Variants in DLG1 observed in about 807,000 individuals in gnomAD.
DLG1 encodes discs large MAGUK scaffold protein 1.
Under a neutral mutation model 123.4 loss-of-function variants are expected in DLG1, and 42 were observed. That is an observed-to-expected ratio of 0.34 (90% CI 0.27 to 0.44). The LOEUF is 0.44. Among genes scored for constraint, DLG1 ranks in the 20% least tolerant of loss-of-function variants. The pLI is 1.00. For synonymous variants in DLG1, 317 were observed against 356.2 expected, an observed-to-expected ratio of 0.89 and a Z score of 1.24; for missense variants, 942 against 1,082.6, an observed-to-expected ratio of 0.87 and a Z score of 1.82.
At position 197,140,620 on chromosome 3, in the gene DLG1, C is replaced by A. The variant is rs543696328; in HGVS notation, c.589-356G>T. Reference sequence around the variant, plus strand: ...TGCACCTCAGCCATGTTTGGTAGGGCACATCTCTCCTAAGAGACAAATGCT... The same window carrying A: ...TGCACCTCAGCCATGTTTGGTAGGGAACATCTCTCCTAAGAGACAAATGCT... On this transcript the variant is annotated intron_variant, in intron 7 of 24. Coordinates refer to ENST00000667157, the MANE Select transcript of DLG1 (RefSeq NM_001366207.1). Among the ~76,000 whole-genome samples the A allele has an allele frequency of 2.0e-5, 3 of 152,306 alleles. No homozygotes were observed. In the South Asian group the frequency reaches 6.2e-4, roughly 32 times the overall value.
At chr3:197,138,179 A>T in intron 9 of DLG1, 43 bp downstream of exon 9, 1 of 1,269,994 alleles carries the variant, frequency 7.9e-7, no homozygotes, top group Non-Finnish European at 1.1e-6. Flanking sequence ...TATTTAACTC[A>T]GAGATTTCTT....
intron 11 of DLG1, among the ~76,000 whole-genome samples, chr3:197,130,122 C>A (rs1314681570): frequency 1.3e-5 from 2 of 151,956 alleles, no homozygotes; most frequent in African/African-American, 4.8e-5. Flanking sequence ...CTGTGAAGTG[C>A]AATAAAGCAA....
At chr3:197,244,473 T>C (rs911060223) in intron 4 of DLG1, among the ~76,000 whole-genome samples, 6 of 152,140 alleles carry the variant, frequency 3.9e-5, no homozygotes, top group Admixed American at 3.3e-4. Flanking sequence ...TTTCAATGAT[T>C]AGGTTTGTTT....
chr3:197,297,719 C>G lies in DLG1; in HGVS notation c.-31-484G>C, dbSNP rs1375564946. 4.1e-6 allele frequency: 4 copies of G among 987,360 alleles called. No individual in the cohort carries two copies. In the East Asian group the frequency reaches 4.5e-4, roughly 112 times the overall value. The allele number at this position is 987,360 out of a possible 1,614,324, so 61.2% of individuals were successfully genotyped here. On this transcript the variant is annotated intron_variant, in intron 1 of 24. Coordinates refer to ENST00000667157, the MANE Select transcript of DLG1 (RefSeq NM_001366207.1). ...CCGGGCTGCTCCAGCGGGGGCCGGA[C>G]AGGGCAGCGGCCGCTCTCCGCGACG...
At chr3:197,044,755 A>G in intron 24 of DLG1, 26 bp from the exon 25 acceptor site, 2 of 1,367,198 alleles carry the variant, frequency 1.5e-6, no homozygotes, top group East Asian at 2.5e-5. Flanking sequence ...CAAAATCAGA[A>G]ATCTCCATTA....
chr3:197,073,778 T>C (rs572807220), intron 18 of DLG1, among the ~76,000 whole-genome samples: 23 of 152,140 alleles, frequency 1.5e-4, no homozygotes, highest in Middle Eastern at 3.2e-3. Context: ...TTTTCATAGG[T>C]TGTGTGAATT....
chr3:197,144,437 C>G (rs1482045858), intron 6 of DLG1, among the ~76,000 whole-genome samples: 1 of 152,138 alleles, frequency 6.6e-6, no homozygotes, highest in East Asian at 1.9e-4. Flanking sequence ...GCTATTTGGA[C>G]CTCCCAACCT....
At chr3:197,114,655 T>C (rs1772040299) in intron 13 of DLG1, among the ~76,000 whole-genome samples, 4 of 152,214 alleles carry the variant, frequency 2.6e-5, no homozygotes, top group African/African-American at 7.2e-5. Context: ...GGAGTTTTAC[T>C]AGCATGTAGC....
At chr3:197,278,282 CAAAAAAAAAAAAAA>C (rs71164203) in intron 4 of DLG1, among the ~76,000 whole-genome samples, 18 of 37,524 alleles carry the variant, frequency 4.8e-4, no homozygotes, top group African/African-American at 1.2e-3. Context: ...GACTCTGTCC[CAAAAAAAAAAAAAA>C]AAAAAAAAAA....
intron 14 of DLG1, among the ~76,000 whole-genome samples, chr3:197,104,656 TG>T (rs1429057899): frequency 2.0e-5 from 3 of 151,944 alleles, no homozygotes; most frequent in Non-Finnish European, 4.4e-5. Flanking sequence ...CACTCCAGCC[TG>T]GGCAGTAAGA....
intron 3 of DLG1, among the ~76,000 whole-genome samples, chr3:197,294,390 T>TA (rs560951930): frequency 1.7e-3 from 184 of 105,938 alleles, no homozygotes; most frequent in African/African-American, 5.2e-3. Flanking sequence ...CTCACGCCTG[T>TA]AATCCCAACA....
At chr3:197,048,594 G>A (rs1725034091) in intron 24 of DLG1, among the ~76,000 whole-genome samples, 1 of 152,156 alleles carries the variant, frequency 6.6e-6, no homozygotes, top group Non-Finnish European at 1.5e-5. Flanking sequence ...CACTGTTGGT[G>A]GGAATGTAAA....
chr3:197,201,565 C>A (rs752700649), intron 4 of DLG1, among the ~76,000 whole-genome samples: 4 of 152,078 alleles, frequency 2.6e-5, no homozygotes, highest in Non-Finnish European at 4.4e-5. Flanking sequence ...TTTACAATAA[C>A]TACAAAATAA....
intron 12 of DLG1, among the ~76,000 whole-genome samples, chr3:197,116,702 A>C (rs1003964326): frequency 6.6e-6 from 1 of 151,766 alleles, no homozygotes; most frequent in Non-Finnish European, 1.5e-5. Flanking sequence ...AATAAACAAA[A>C]CCCCACACGA....
At chr3:197,152,531 C>G (rs1487116293) in intron 5 of DLG1, among the ~76,000 whole-genome samples, 13 of 149,468 alleles carry the variant, frequency 8.7e-5, no homozygotes, top group Non-Finnish European at 1.8e-4. Flanking sequence ...AATCCCAGCA[C>G]TCTGGGAGGC....
chr3:197,084,939 T>C (rs1476463993), intron 16 of DLG1, among the ~76,000 whole-genome samples: 1 of 151,266 alleles, frequency 6.6e-6, no homozygotes, highest in Non-Finnish European at 1.5e-5. Flanking sequence ...GGCGTGTGCC[T>C]CCATGCCCAG....
chr3:197,089,713 GA>G (rs1432775220), intron 15 of DLG1, among the ~76,000 whole-genome samples: 3 of 147,314 alleles, frequency 2.0e-5, no homozygotes, highest in African/African-American at 7.4e-5. Flanking sequence ...AGGAAATGTA[GA>G]TAAGCAAAAA....
At chr3:197,227,670 A>T (rs910272622) in intron 4 of DLG1, among the ~76,000 whole-genome samples, 1 of 152,218 alleles carries the variant, frequency 6.6e-6, no homozygotes, top group Non-Finnish European at 1.5e-5. Flanking sequence ...ACCACCAACC[A>T]TAACTCTAAT....
chr3:197,216,142 A>G lies in DLG1; in HGVS notation c.319-21553T>C, dbSNP rs1431682024. 2.0e-5 allele frequency among the ~76,000 whole-genome samples: 3 copies of G among 152,348 alleles called. No homozygotes were observed. In the East Asian group the frequency reaches 5.8e-4, roughly 29 times the overall value. ...GTTACTCTTTCTTAAGATATTTCAT[A>G]TAACAAAGAGAAAATTTACTTTTTT... On this transcript the variant is annotated intron_variant, in intron 4 of 24. Transcript: ENST00000667157.
Sources: allele counts gnomAD v4.1 joint callset (sites outside exome capture counted in the v4.1 genomes callset), GRCh38; gene constraint gnomAD v4.1.1; transcripts MANE v1.5; gene names NCBI Gene and HGNC (gene_info 2026-07-23, HGNC 2026-07-21).